CDH13: variants seen among roughly 807,000 people sequenced by gnomAD.
The protein encoded by CDH13 is cadherin-13.
CDH13 carries 24 observed loss-of-function variants against 63.8 expected under a neutral mutation model. The observed-to-expected ratio is 0.38, with a 90% CI of 0.27 to 0.53. The LOEUF (loss-of-function observed/expected upper bound fraction) is 0.53. CDH13 is among the 20% of genes least tolerant of loss of function. The probability of loss-of-function intolerance (pLI) is 0.85; values close to 1 mark genes in which losing one functional copy is unlikely to be tolerated. For missense variants in CDH13, 1,049 were observed against 903.1 expected (o/e 1.16, Z -2.07); for synonymous variants, 503 against 355.3 (o/e 1.42, Z -4.67).
chr16:82,916,961 C>G (rs117272715), intron 2 of CDH13, among the ~76,000 whole-genome samples: 1 of 152,150 alleles, frequency 6.6e-6, no homozygotes, highest in Non-Finnish European at 1.5e-5. Flanking sequence ...AAAGCCTTAA[C>G]AGAGCTAGGA....
chr16:82,876,351 G>C (rs1277655478), intron 2 of CDH13, among the ~76,000 whole-genome samples: 1 of 152,158 alleles, frequency 6.6e-6, no homozygotes, highest in African/African-American at 2.4e-5. Context: ...CATTTTCCTA[G>C]ATAATTAAAT....
chr16:82,909,793 G>A (rs1020574714), intron 2 of CDH13, among the ~76,000 whole-genome samples: 7 of 152,102 alleles, frequency 4.6e-5, no homozygotes, highest in African/African-American at 1.7e-4. Flanking sequence ...TGAGATCTGG[G>A]TGGGGACACA....
intron 7 of CDH13, among the ~76,000 whole-genome samples, chr16:83,560,352 G>A (rs1318700316): frequency 6.6e-6 from 1 of 152,190 alleles, no homozygotes; most frequent in Non-Finnish European, 1.5e-5. Context: ...TTAAAAAGGA[G>A]AAAATCCTGC....
At chr16:82,976,255 AAACACC>A (rs1443449325) in intron 2 of CDH13, among the ~76,000 whole-genome samples, 1 of 152,160 alleles carries the variant, frequency 6.6e-6, no homozygotes, top group Non-Finnish European at 1.5e-5. Flanking sequence ...AGAAGTTAAC[AAACACC>A]AGCTCCACTT....
chr16:83,337,424 T>C (rs1241801502), intron 5 of CDH13, among the ~76,000 whole-genome samples: 1 of 152,060 alleles, frequency 6.6e-6, no homozygotes, highest in Admixed American at 6.6e-5. Context: ...TTCTCAGGAC[T>C]CAGAAGATCA....
At chr16:83,547,677 C>T (rs2075411606) in intron 7 of CDH13, among the ~76,000 whole-genome samples, 1 of 152,180 alleles carries the variant, frequency 6.6e-6, no homozygotes, top group Non-Finnish European at 1.5e-5. Flanking sequence ...ATACGTACCA[C>T]ATTTTCTTTA....
intron 5 of CDH13, among the ~76,000 whole-genome samples, chr16:83,247,164 T>G (rs1461638806): frequency 6.6e-6 from 1 of 152,124 alleles, no homozygotes; most frequent in Non-Finnish European, 1.5e-5. Flanking sequence ...GAAGAACCAG[T>G]TCACAGATCT....
chr16:83,733,861 G>A (rs1053430088), intron 10 of CDH13, among the ~76,000 whole-genome samples: 1 of 152,182 alleles, frequency 6.6e-6, no homozygotes, highest in Admixed American at 6.5e-5. Flanking sequence ...GGCGTAAGTG[G>A]ACAAAAGTGG....
chr16:82,706,034 T>C (rs888457336), intron 1 of CDH13, among the ~76,000 whole-genome samples: 1 of 152,006 alleles, frequency 6.6e-6, no homozygotes, highest in Non-Finnish European at 1.5e-5. Flanking sequence ...TTTTATTCTG[T>C]CTTCCCTCCC....
At chr16:83,523,621 C>G (rs904954051) in intron 7 of CDH13, among the ~76,000 whole-genome samples, 97 of 152,204 alleles carry the variant, frequency 6.4e-4, no homozygotes, top group African/African-American at 2.3e-3. Flanking sequence ...TCCAGGGTCA[C>G]TCCCTTGCTT....
chr16:83,525,868 G>A (rs1210766037), intron 7 of CDH13, among the ~76,000 whole-genome samples: 1 of 152,188 alleles, frequency 6.6e-6, no homozygotes, highest in Non-Finnish European at 1.5e-5. Context: ...GTCCAGCACT[G>A]CTGGCTTTGA....
At chr16:82,757,665 G>A (rs62034522) in intron 1 of CDH13, among the ~76,000 whole-genome samples, 1 of 95,928 alleles carries the variant, frequency 1.0e-5, no homozygotes, top group Non-Finnish European at 2.6e-5. Context: ...TTTTTTTGGG[G>A]ACAGAGTCTC....
intron 6 of CDH13, among the ~76,000 whole-genome samples, chr16:83,476,639 C>G (rs867671209): frequency 1.3e-5 from 2 of 152,134 alleles, no homozygotes; most frequent in African/African-American, 4.8e-5. Context: ...CGCCACTGCA[C>G]TCCAGCCTGC....
chr16:83,668,153 A>G (rs1021488643), intron 8 of CDH13, among the ~76,000 whole-genome samples: 1 of 152,158 alleles, frequency 6.6e-6, no homozygotes, highest in Non-Finnish European at 1.5e-5. Context: ...AGTCCCTCTT[A>G]GTCTTGCTTC....
rs1291128489 is a variant in CDH13 at position 83,216,421 on chromosome 16, T to TAAAA, written c.484-923_484-922insAAAA. 2.6e-4 allele frequency among the ~76,000 whole-genome samples: 26 copies of TAAAA among 98,418 alleles called. 1 individual carries two copies. Among genetic ancestry groups the TAAAA allele is most frequent in the African/African-American group, 9.6e-4 (26 of 26,966 alleles). The allele number at this position is 98,418 out of a possible 152,430, so 64.6% of individuals were successfully genotyped here. On this transcript the variant is annotated intron_variant, in intron 4 of 13. Transcript: ENST00000567109. ...AAATATATATATATATATATATATA[T>TAAAA]ATATATATATATATATATATATACA...
At chr16:83,498,076 G>A (rs1276446628) in intron 7 of CDH13, among the ~76,000 whole-genome samples, 1 of 152,138 alleles carries the variant, frequency 6.6e-6, no homozygotes, top group Non-Finnish European at 1.5e-5. Context: ...CAGAAAAAGA[G>A]TAAACGAAAA....
chr16:83,634,157 G>C (rs1911044121), intron 8 of CDH13, among the ~76,000 whole-genome samples: 1 of 149,508 alleles, frequency 6.7e-6, no homozygotes, highest in Non-Finnish European at 1.5e-5. Flanking sequence ...GTGTGTGTGT[G>C]TGTGGTCCTA....
intron 1 of CDH13, among the ~76,000 whole-genome samples, chr16:82,780,020 T>G (rs1330217155): frequency 3.9e-5 from 6 of 152,180 alleles, no homozygotes; most frequent in Admixed American, 3.9e-4. Context: ...CAAATCCATT[T>G]TGCCCATGAT....
At chr16:83,700,661 C>A (rs1488938866) in intron 10 of CDH13, among the ~76,000 whole-genome samples, 1 of 152,166 alleles carries the variant, frequency 6.6e-6, no homozygotes, top group East Asian at 1.9e-4. Context: ...CATTGAAGTA[C>A]TTTTTTATGA....
Sources: allele counts gnomAD v4.1 joint callset (sites outside exome capture counted in the v4.1 genomes callset), GRCh38; gene constraint gnomAD v4.1.1; transcripts MANE v1.5; gene names NCBI Gene and HGNC (gene_info 2026-07-23, HGNC 2026-07-21).